SYT1: variants seen among roughly 807,000 people sequenced by gnomAD.
The protein encoded by SYT1 is synaptotagmin 1.
In SYT1, 8 loss-of-function variants were observed where a neutral mutation model predicts 44.8. That is an observed-to-expected ratio of 0.18 (90% CI 0.10 to 0.32). The LOEUF (loss-of-function observed/expected upper bound fraction) is 0.32. Ranked by LOEUF, SYT1 falls within the 10% of genes least tolerant of loss-of-function variation. The pLI is 1.00. For missense variants in SYT1, 286 were observed against 509.3 expected (o/e 0.56, Z 4.22); for synonymous variants, 154 against 188.8 (o/e 0.82, Z 1.51).
chr12:79,120,084 G>A (rs1879511214), intron 3 of SYT1, among the ~76,000 whole-genome samples: 1 of 152,114 alleles, frequency 6.6e-6, no homozygotes, highest in Non-Finnish European at 1.5e-5. Flanking sequence ...CTCCCTATCT[G>A]TTCTGCTGCT....
intron 3 of SYT1, among the ~76,000 whole-genome samples, chr12:79,208,715 C>G (rs1874265749): frequency 6.6e-6 from 1 of 152,196 alleles, no homozygotes; most frequent in Non-Finnish European, 1.5e-5. Flanking sequence ...TTTCCTTCTG[C>G]TTACATTCTT....
At chr12:79,192,260 G>T (rs926167349) in intron 3 of SYT1, among the ~76,000 whole-genome samples, 1 of 152,144 alleles carries the variant, frequency 6.6e-6, no homozygotes, top group East Asian at 1.9e-4. Flanking sequence ...TTCCTAAGGA[G>T]TTAAAAATAA....
chr12:79,193,598 C>T (rs1873260329), intron 3 of SYT1, among the ~76,000 whole-genome samples: 1 of 152,018 alleles, frequency 6.6e-6, no homozygotes, highest in Non-Finnish European at 1.5e-5. Context: ...TATTGTGCCT[C>T]AAACCAGTAA....
intron 1 of SYT1, among the ~76,000 whole-genome samples, chr12:78,966,716 C>T (rs1357973720): frequency 3.3e-5 from 5 of 152,080 alleles, no homozygotes; most frequent in Non-Finnish European, 7.3e-5. Context: ...TAATTTCCCA[C>T]TACATCCTTT....
intron 3 of SYT1, among the ~76,000 whole-genome samples, chr12:79,077,375 C>T (rs191526785): frequency 8.5e-5 from 13 of 152,254 alleles, no homozygotes; most frequent in Admixed American, 2.6e-4. Context: ...CAGAGATCTA[C>T]CATTTGACAC....
chr12:78,932,006 T>G (rs1877785104), intron 1 of SYT1, among the ~76,000 whole-genome samples: 1 of 152,140 alleles, frequency 6.6e-6, no homozygotes, highest in African/African-American at 2.4e-5. Flanking sequence ...TCTGAGTCTG[T>G]GCATGGCTGG....
intron 2 of SYT1, among the ~76,000 whole-genome samples, chr12:79,043,561 G>A (rs1873758034): frequency 6.6e-6 from 1 of 151,166 alleles, no homozygotes; most frequent in Admixed American, 6.6e-5. Flanking sequence ...GCACACTGAT[G>A]GGTCTTGACT....
chr12:79,429,199 CA>C (rs1366379816), intron 9 of SYT1, among the ~76,000 whole-genome samples: 1 of 152,004 alleles, frequency 6.6e-6, no homozygotes, highest in Non-Finnish European at 1.5e-5. Context: ...CATATGTTAA[CA>C]GTTGGATTTT....
In SYT1 at chr12:78,972,540, T is replaced by A. The variant is rs200860888; in HGVS notation, c.-216-5259T>A. Among the ~76,000 whole-genome samples the A allele has an allele frequency of 7.9e-3, 569 of 72,300 alleles. 2 individuals are homozygous for A. The highest frequency in any genetic ancestry group is 0.021 in the African/African-American group (370 of 17,908). 47.4% of individuals were successfully genotyped at this position (72,300 alleles called of 152,430 possible). ...GCAGCTTTTCTCAGCAAAAAAAAAATATATATATATATATTTATGAGGCAC... is the reference window on the plus strand; with the variant it reads ...GCAGCTTTTCTCAGCAAAAAAAAAAAATATATATATATATTTATGAGGCAC... On this transcript the variant is annotated intron_variant, in intron 1 of 10. Coordinates refer to ENST00000261205, the MANE Select transcript of SYT1 (RefSeq NM_005639.3).
At chr12:79,220,607 G>A (rs1875100983) in intron 4 of SYT1, among the ~76,000 whole-genome samples, 1 of 151,928 alleles carries the variant, frequency 6.6e-6, no homozygotes, top group South Asian at 2.1e-4. Flanking sequence ...TTGCTATATT[G>A]TGTTTTCTTT....
intron 1 of SYT1, among the ~76,000 whole-genome samples, chr12:78,951,996 C>T (rs1257518424): frequency 6.6e-6 from 1 of 152,030 alleles, no homozygotes; most frequent in Non-Finnish European, 1.5e-5. Flanking sequence ...GTGGGATAAA[C>T]AGAAAAGACT....
At chr12:79,307,623 G>A (rs1260530972) in intron 8 of SYT1, among the ~76,000 whole-genome samples, 2 of 151,322 alleles carry the variant, frequency 1.3e-5, no homozygotes, top group East Asian at 2.0e-4. Context: ...GCTGGGGGTG[G>A]GGGTGGGGGG....
intron 2 of SYT1, among the ~76,000 whole-genome samples, chr12:79,030,210 G>A (rs1872748821): frequency 6.6e-6 from 1 of 151,008 alleles, no homozygotes; most frequent in Admixed American, 6.6e-5. Flanking sequence ...AATTTTCTGA[G>A]TTTATCACTG....
intron 1 of SYT1, among the ~76,000 whole-genome samples, chr12:78,931,223 GAAAGAAA>G (rs1565723321): frequency 7.8e-4 from 47 of 59,944 alleles, no homozygotes; most frequent in African/African-American, 2.9e-3. Flanking sequence ...AAGAAAGAAA[GAAAGAAA>G]GAAAGAAAGA....
chr12:79,240,483 A>G (rs539095504), intron 4 of SYT1, among the ~76,000 whole-genome samples: 1 of 152,346 alleles, frequency 6.6e-6, no homozygotes, highest in African/African-American at 2.4e-5. Flanking sequence ...GTTTAAAAAG[A>G]AAATGAAAGC....
At chr12:79,223,892 G>A (rs991797908) in intron 4 of SYT1, among the ~76,000 whole-genome samples, 1 of 152,122 alleles carries the variant, frequency 6.6e-6, no homozygotes, top group African/African-American at 2.4e-5. Context: ...TCCTGTGCTC[G>A]CTTCCCTCTC....
chr12:79,165,884 A>G (rs1430692791), intron 3 of SYT1, among the ~76,000 whole-genome samples: 1 of 152,036 alleles, frequency 6.6e-6, no homozygotes, highest in African/African-American at 2.4e-5. Flanking sequence ...AGGAAACTTA[A>G]ATTTCATTAC....
chr12:79,310,754 G>C (rs1464884186), intron 8 of SYT1, among the ~76,000 whole-genome samples: 1 of 152,116 alleles, frequency 6.6e-6, no homozygotes, highest in East Asian at 1.9e-4. Flanking sequence ...TGGATTCCTA[G>C]GTATTTTATT....
chr12:79,390,150 G>A (rs1593025099), intron 9 of SYT1, among the ~76,000 whole-genome samples: 4 of 151,996 alleles, frequency 2.6e-5, no homozygotes, highest in Admixed American at 1.3e-4. Flanking sequence ...AGCCAGGATG[G>A]TCTCGATCTC....
Sources: gnomAD v4.1 joint callset for allele counts (sites outside exome capture counted in the v4.1 genomes callset) on GRCh38, gnomAD v4.1.1 for gene constraint, MANE v1.5 for transcripts, NCBI Gene and HGNC (gene_info 2026-07-23, HGNC 2026-07-21) for gene names.